SUGCT: variants seen among roughly 807,000 people sequenced by gnomAD.
SUGCT encodes succinyl-CoA:glutarate-CoA transferase.
SUGCT carries 41 observed loss-of-function variants against 55.0 expected under a neutral mutation model. The observed-to-expected ratio is 0.74, with a 90% CI of 0.58 to 0.97. The LOEUF is 0.97. Ranked by LOEUF, SUGCT falls within the 50% of genes least tolerant of loss-of-function variation. The pLI, the probability that SUGCT is intolerant of heterozygous loss-of-function variation, is 0.00. For missense variants in SUGCT, 568 were observed against 547.8 expected (o/e 1.04, Z -0.37); for synonymous variants, 187 against 200.4 (o/e 0.93, Z 0.56).
At chr7:40,978,802 C>T in the SUGCT span, among the ~76,000 whole-genome samples, 85 of 152,142 alleles carry the variant, frequency 5.6e-4, no homozygotes, top group East Asian at 3.5e-3. Context: ...CGATGAAGCC[C>T]GAGAAGGGAG....
rs149574504 is a variant in SUGCT at position 40,427,226 on chromosome 7, G to T, written c.817-22061G>T. Among the ~76,000 whole-genome samples, 1,134 of 152,242 alleles carry T rather than the reference G, an allele frequency of 7.4e-3. 13 individuals are homozygous for T. Among genetic ancestry groups the T allele is most frequent in the African/African-American group, 0.026 (1,078 of 41,554 alleles). ...GGGAGTTCCAAATGTCTAGTTAAGG[G>T]ATTTGGGTTTATTTTATGAAAACAA... On this transcript the variant is annotated intron_variant, in intron 9 of 13. Coordinates refer to ENST00000335693, the MANE Select transcript of SUGCT (RefSeq NM_001193313.2).
chr7:40,230,698 T>C (rs1174321934), intron 6 of SUGCT, among the ~76,000 whole-genome samples: 1 of 152,220 alleles, frequency 6.6e-6, no homozygotes, highest in African/African-American at 2.4e-5. Context: ...GTTGGTGGCA[T>C]ATGAATGTGA....
intron 1 of SUGCT, among the ~76,000 whole-genome samples, chr7:40,149,734 A>G (rs1035352791): frequency 2.0e-5 from 3 of 152,172 alleles, no homozygotes; most frequent in Admixed American, 2.0e-4. Context: ...CCTGGCCATC[A>G]TGGTGAAACC....
At chr7:40,150,986 C>T (rs944393664) in intron 1 of SUGCT, among the ~76,000 whole-genome samples, 2 of 152,098 alleles carry the variant, frequency 1.3e-5, no homozygotes, top group African/African-American at 4.8e-5. Context: ...ACTGTAATCC[C>T]AGCACTTCGG....
At chr7:40,991,819 A>G in the SUGCT span, among the ~76,000 whole-genome samples, 1 of 152,168 alleles carries the variant, frequency 6.6e-6, no homozygotes, top group African/African-American at 2.4e-5. Flanking sequence ...CAGGACGAGC[A>G]CGTATCAGAA....
At chr7:40,453,578 C>T (rs1370697252) in intron 10 of SUGCT, among the ~76,000 whole-genome samples, 1 of 152,150 alleles carries the variant, frequency 6.6e-6, no homozygotes, top group Admixed American at 6.5e-5. Flanking sequence ...TAGTCAGATT[C>T]AAATAACACT....
intron 9 of SUGCT, among the ~76,000 whole-genome samples, chr7:40,392,648 A>G (rs1050147175): frequency 6.6e-6 from 1 of 152,128 alleles, no homozygotes; most frequent in Non-Finnish European, 1.5e-5. Flanking sequence ...TTTCACCCAT[A>G]TCGATGACAT....
intron 1 of SUGCT, among the ~76,000 whole-genome samples, chr7:40,180,198 G>C (rs1785117941): frequency 6.6e-6 from 1 of 151,158 alleles, no homozygotes; most frequent in East Asian, 2.0e-4. Flanking sequence ...ATCTCGGCTC[G>C]CTACAGCTTC....
At position 40,422,833 on chromosome 7, in the gene SUGCT, A is replaced by C. The variant is rs75690493; in HGVS notation, c.817-26454A>C. ...TAACCAGTTGTCCAAAAAAAAAAAA[A>C]CCACCAACTCCCTAAAACATATAAT... On this transcript the variant is annotated intron_variant, in intron 9 of 13. Transcript: ENST00000335693. Among the ~76,000 whole-genome samples, 624 of 151,702 alleles carry C rather than the reference A, an allele frequency of 4.1e-3. 3 individuals carry two copies. The highest frequency in any genetic ancestry group is 0.027 in the Middle Eastern group (8 of 292).
At chr7:40,200,957 C>T (rs1363501516) in intron 6 of SUGCT, among the ~76,000 whole-genome samples, 2 of 152,130 alleles carry the variant, frequency 1.3e-5, no homozygotes, top group African/African-American at 4.8e-5. Flanking sequence ...ATTCATATCA[C>T]AGCAACGGGA....
At chr7:40,411,791 C>G (rs1786711041) in intron 9 of SUGCT, among the ~76,000 whole-genome samples, 1 of 152,168 alleles carries the variant, frequency 6.6e-6, no homozygotes, top group South Asian at 2.1e-4. Flanking sequence ...TCCTACCATA[C>G]AGTAGATACA....
the SUGCT span, among the ~76,000 whole-genome samples, chr7:40,937,712 C>T: frequency 1.3e-5 from 2 of 152,084 alleles, no homozygotes; most frequent in South Asian, 4.2e-4. Flanking sequence ...TTAGTATGTC[C>T]GTTCTAGCTC....
chr7:40,826,701 T>C (rs1367831147), intron 13 of SUGCT, among the ~76,000 whole-genome samples: 1 of 152,202 alleles, frequency 6.6e-6, no homozygotes, highest in African/African-American at 2.4e-5. Flanking sequence ...AGGGTTGTTT[T>C]TGAGTCACCC....
In SUGCT at chr7:40,301,276, C is replaced by T. The variant is rs1236001949; in HGVS notation, c.721-15484C>T. 2.0e-5 allele frequency among the ~76,000 whole-genome samples: 3 copies of T among 152,162 alleles called. No individual in the cohort carries two copies. In the East Asian group the frequency reaches 5.8e-4, roughly 29 times the overall value. On this transcript the variant is annotated intron_variant, in intron 8 of 13. Transcript: ENST00000335693. ...GTATTTGCTGAATGAAAACAATGTG[C>T]ATACCAGATTTTTAAAACTTTCAAA...
intron 13 of SUGCT, among the ~76,000 whole-genome samples, chr7:40,807,761 C>G (rs1020362625): frequency 6.6e-6 from 1 of 152,046 alleles, no homozygotes; most frequent in African/African-American, 2.4e-5. Context: ...CTGACTCACA[C>G]GATCACAAGG....
rs1337044247 is a variant in SUGCT at position 40,274,682 on chromosome 7, T to C, written c.720+26T>C. On this transcript the variant is annotated intron_variant, in intron 8 of 13. Transcript: ENST00000335693. The stretch of plus-strand genomic sequence containing the variant: ...GTAACAATCCAACTAACATTTCAGA[T>C]AATGTTATAAAAACTGTGTCTGGGT... 1.9e-6 allele frequency: 3 copies of C among 1,604,244 alleles called. No homozygotes were observed. The African/African-American group carries it at 4.0e-5, about 21-fold the overall frequency.
chr7:40,645,656 A>G (rs1800467906), intron 12 of SUGCT, among the ~76,000 whole-genome samples: 1 of 152,136 alleles, frequency 6.6e-6, no homozygotes, highest in Admixed American at 6.5e-5. Flanking sequence ...TTCAGATTGG[A>G]GGAGGCAGAC....
At chr7:40,188,434 CAAAA>C (rs35948652) in intron 3 of SUGCT, 57 bp from the exon 4 acceptor site, 1,490 of 597,846 alleles carry the variant, frequency 2.5e-3, no homozygotes, top group East Asian at 5.9e-3. Context: ...ACTCCATCTC[CAAAA>C]AAAAAAAAAA....
intron 8 of SUGCT, among the ~76,000 whole-genome samples, chr7:40,311,594 A>G (rs1032578068): frequency 5.3e-5 from 8 of 152,052 alleles, no homozygotes; most frequent in Admixed American, 1.3e-4. Flanking sequence ...TTCTTTCTCT[A>G]TGCCAACCCC....
Sources: allele counts gnomAD v4.1 joint callset (sites outside exome capture counted in the v4.1 genomes callset), GRCh38; gene constraint gnomAD v4.1.1; transcripts MANE v1.5; gene names NCBI Gene and HGNC (gene_info 2026-07-23, HGNC 2026-07-21).